The following SRD5A2 variants were observed in gnomAD, a reference collection of about 807,000 sequenced individuals.
SRD5A2 encodes 3-oxo-5-alpha-steroid 4-dehydrogenase 2.
SRD5A2 carries 30 observed loss-of-function variants against 27.4 expected under a neutral mutation model. The observed-to-expected ratio is 1.10, with a 90% confidence interval of 0.82 to 1.49. The LOEUF (loss-of-function observed/expected upper bound fraction) is 1.49. Ranked by LOEUF, SRD5A2 falls within the 40% of genes most tolerant of loss-of-function variation. SRD5A2 has a pLI of 0.00. For synonymous variants in SRD5A2, 141 were observed against 133.6 expected (o/e 1.06, Z -0.38); for missense variants, 348 against 323.4 (o/e 1.08, Z -0.58).
the SRD5A2 span, among the ~76,000 whole-genome samples, chr2:31,620,170 T>C: frequency 6.6e-6 from 1 of 152,116 alleles, no homozygotes; most frequent in Non-Finnish European, 1.5e-5. Context: ...AAACTATATA[T>C]TGAAGGAACA....
At chr2:31,611,834 T>G in the SRD5A2 span, among the ~76,000 whole-genome samples, 1 of 152,072 alleles carries the variant, frequency 6.6e-6, no homozygotes, top group Non-Finnish European at 1.5e-5. Context: ...TGAAAGCATG[T>G]TTCCAAAAAA....
the SRD5A2 span, among the ~76,000 whole-genome samples, chr2:31,610,647 C>T: frequency 6.6e-6 from 1 of 151,756 alleles, no homozygotes; most frequent in Non-Finnish European, 1.5e-5. Context: ...AACAATTAGA[C>T]AAGAAAAAGA....
chr2:31,657,374 T>C, the SRD5A2 span, among the ~76,000 whole-genome samples: 1 of 152,246 alleles, frequency 6.6e-6, no homozygotes, highest in Non-Finnish European at 1.5e-5. Flanking sequence ...TTGAATTTAA[T>C]GATTTATAAT....
intron 1 of SRD5A2, among the ~76,000 whole-genome samples, chr2:31,537,714 GA>G (rs1490243198): frequency 1.3e-5 from 2 of 152,066 alleles, no homozygotes; most frequent in Non-Finnish European, 2.9e-5. Context: ...CATATAATCT[GA>G]ATGTGTTCCC....
rs142804296 is a variant in SRD5A2, at chr2:31,570,855, C to T, written c.281+9765G>A. On this transcript the variant is annotated intron_variant, in intron 1 of 4. Transcript: ENST00000622030. ...GATCTCTACAATGAGAATGACAAAA[C>T]ACTGCTGAAAGAAATCAGAGATGAC... 3.5e-3 allele frequency among the ~76,000 whole-genome samples: 532 copies of T among 152,222 alleles called. 22 individuals carry two copies. The East Asian group carries it at 0.09, about 26-fold the overall frequency.
chr2:31,621,768 CTAGAA>C, the SRD5A2 span, among the ~76,000 whole-genome samples: 1 of 151,972 alleles, frequency 6.6e-6, no homozygotes. Flanking sequence ...TCTGGAGTAG[CTAGAA>C]CTACAGGTAT....
the SRD5A2 span, among the ~76,000 whole-genome samples, chr2:31,620,645 G>A: frequency 4.6e-5 from 7 of 151,612 alleles, no homozygotes; most frequent in Non-Finnish European, 4.4e-5. Context: ...TAATACCTAC[G>A]TTAGTGTATA....
At chr2:31,604,005 C>T in the SRD5A2 span, among the ~76,000 whole-genome samples, 1 of 151,738 alleles carries the variant, frequency 6.6e-6, no homozygotes, top group African/African-American at 2.4e-5. Context: ...ACACATTTAT[C>T]TATGTAAAAA....
At chr2:31,542,534 A>G (rs1666149994) in intron 1 of SRD5A2, among the ~76,000 whole-genome samples, 1 of 152,144 alleles carries the variant, frequency 6.6e-6, no homozygotes, top group South Asian at 2.1e-4. Context: ...AAATAAACTA[A>G]AAGTACATGT....
chr2:31,606,873 C>T, the SRD5A2 span, among the ~76,000 whole-genome samples: 1 of 151,872 alleles, frequency 6.6e-6, no homozygotes, highest in African/African-American at 2.4e-5. Flanking sequence ...GTTCTGGAGG[C>T]TAGAGGTCTG....
the SRD5A2 span, among the ~76,000 whole-genome samples, chr2:31,618,446 C>T: frequency 1.8e-4 from 28 of 152,010 alleles, no homozygotes; most frequent in Admixed American, 7.2e-4. Flanking sequence ...AACACATGAA[C>T]GGACAAAGAA....
chr2:31,654,928 T>C, the SRD5A2 span, among the ~76,000 whole-genome samples: 7 of 152,290 alleles, frequency 4.6e-5, no homozygotes, highest in African/African-American at 1.7e-4. Flanking sequence ...CCCAGTATTA[T>C]ATGTTGGAAG....
chr2:31,536,673 T>C (rs1033319751), intron 1 of SRD5A2, among the ~76,000 whole-genome samples: 26 of 152,354 alleles, frequency 1.7e-4, no homozygotes, highest in Non-Finnish European at 1.0e-4. Flanking sequence ...ACTTTGCTAT[T>C]GGAAAGCTGG....
At chr2:31,550,055 A>G (rs1666353952) in intron 1 of SRD5A2, among the ~76,000 whole-genome samples, 1 of 152,180 alleles carries the variant, frequency 6.6e-6, no homozygotes, top group Non-Finnish European at 1.5e-5. Context: ...TCACCTGGCC[A>G]TAATAGAAAC....
chr2:31,620,005 A>T, the SRD5A2 span, among the ~76,000 whole-genome samples: 15 of 152,068 alleles, frequency 9.9e-5, no homozygotes, highest in Non-Finnish European at 1.9e-4. Context: ...TTGTCATGAA[A>T]TCTTTGTCAG....
chr2:31,631,111 T>C, the SRD5A2 span, among the ~76,000 whole-genome samples: 21 of 152,334 alleles, frequency 1.4e-4, no homozygotes, highest in African/African-American at 4.6e-4. Flanking sequence ...TTCTCTGAAA[T>C]GAATTTGCAT....
chr2:31,587,597 G>C, the SRD5A2 span, among the ~76,000 whole-genome samples: 1 of 152,170 alleles, frequency 6.6e-6, no homozygotes, highest in African/African-American at 2.4e-5. Flanking sequence ...GTCCTTTGCA[G>C]GGACATGGAT....
chr2:31,582,020 C>T (rs972699199), upstream of SRD5A2, among the ~76,000 whole-genome samples: 6 of 152,152 alleles, frequency 3.9e-5, no homozygotes, highest in African/African-American at 1.4e-4. Flanking sequence ...TTCCTTCTTT[C>T]TTCGACCCGG....
the SRD5A2 span, among the ~76,000 whole-genome samples, chr2:31,595,620 A>G: frequency 6.6e-6 from 1 of 152,224 alleles, no homozygotes; most frequent in Non-Finnish European, 1.5e-5. Context: ...GAATTCTGTC[A>G]GCATTCAAAG....
Sources: gnomAD v4.1 joint callset for allele counts (sites outside exome capture counted in the v4.1 genomes callset) on GRCh38, gnomAD v4.1.1 for gene constraint, MANE v1.5 for transcripts, NCBI Gene and HGNC (gene_info 2026-07-23, HGNC 2026-07-21) for gene names.